RASEF: variants seen among roughly 807,000 people sequenced by gnomAD.
The protein encoded by RASEF is ras and EF-hand domain-containing protein.
In RASEF, 68 loss-of-function variants were observed where a neutral mutation model predicts 90.1. That is an observed-to-expected ratio of 0.75 (90% confidence interval 0.62 to 0.92). The LOEUF is 0.92. Among genes scored for constraint, RASEF ranks in the 40% least tolerant of loss-of-function variants. RASEF has a pLI of 0.00. For missense variants in RASEF, 949 were observed against 937.2 expected, an observed-to-expected ratio of 1.01 and a Z score of -0.16; for synonymous variants, 331 against 345.2, an observed-to-expected ratio of 0.96 and a Z score of 0.46.
At chr9:82,983,649 G>C (rs1408450871) in intron 16 of RASEF, among the ~76,000 whole-genome samples, 1 of 152,162 alleles carries the variant, frequency 6.6e-6, no homozygotes. Context: ...CTACCCTCTT[G>C]GTCAGAGCTG....
chr9:83,018,743 A>T (rs569596192), intron 3 of RASEF, among the ~76,000 whole-genome samples: 5 of 152,268 alleles, frequency 3.3e-5, no homozygotes, highest in Middle Eastern at 3.4e-3. Context: ...ATCAAGACTT[A>T]TAAACCAACA....
the RASEF span, among the ~76,000 whole-genome samples, chr9:83,179,913 G>A: frequency 7.2e-5 from 11 of 152,082 alleles, no homozygotes; most frequent in African/African-American, 1.7e-4. Flanking sequence ...GACAAAAAGT[G>A]TAAACAGGAG....
At chr9:83,178,818 T>C in the RASEF span, among the ~76,000 whole-genome samples, 1 of 152,208 alleles carries the variant, frequency 6.6e-6, no homozygotes, top group South Asian at 2.1e-4. Flanking sequence ...ATATTGTTTT[T>C]AGAAATGGGT....
At chr9:83,057,913 T>C (rs899307960) in intron 1 of RASEF, among the ~76,000 whole-genome samples, 3 of 149,062 alleles carry the variant, frequency 2.0e-5, no homozygotes, top group Non-Finnish European at 4.4e-5. Flanking sequence ...AGCACCAAGA[T>C]GCTCACATGT....
At chr9:83,056,223 CTTGT>C (rs149280726) in intron 1 of RASEF, among the ~76,000 whole-genome samples, 2,104 of 152,274 alleles carry the variant, frequency 0.014, 41 homozygotes, top group African/African-American at 0.048. Context: ...AAGCAATGAA[CTTGT>C]TTGTTTGACA....
intron 12 of RASEF, among the ~76,000 whole-genome samples, chr9:82,998,748 TGTGTGTGG>T (rs1363565619): frequency 6.6e-6 from 1 of 152,122 alleles, no homozygotes; most frequent in East Asian, 1.9e-4. Context: ...TGTGTGTGTG[TGTGTGTGG>T]GTGTGTGTAC....
chr9:83,151,703 A>G, the RASEF span, among the ~76,000 whole-genome samples: 1 of 152,168 alleles, frequency 6.6e-6, no homozygotes, highest in Non-Finnish European at 1.5e-5. Flanking sequence ...TTTAATTTAA[A>G]TGCATTTTAA....
intron 1 of RASEF, among the ~76,000 whole-genome samples, chr9:83,057,099 C>G (rs1830115488): frequency 6.6e-6 from 1 of 152,132 alleles, no homozygotes; most frequent in African/African-American, 2.4e-5. Context: ...GAGGAAGGAT[C>G]AAAGGTTCAT....
the RASEF span, among the ~76,000 whole-genome samples, chr9:83,180,452 C>T: frequency 2.0e-5 from 3 of 151,336 alleles, no homozygotes; most frequent in Admixed American, 6.6e-5. Flanking sequence ...AATGGGGAAG[C>T]TCCTAGAGAA....
the RASEF span, among the ~76,000 whole-genome samples, chr9:83,083,846 G>T: frequency 6.6e-6 from 1 of 151,948 alleles, no homozygotes. Flanking sequence ...CTTAAAAATG[G>T]TAAGTTCATA....
At chr9:83,213,522 T>A in the RASEF span, among the ~76,000 whole-genome samples, 2 of 152,174 alleles carry the variant, frequency 1.3e-5, no homozygotes, top group Non-Finnish European at 2.9e-5. Context: ...TTATACAATA[T>A]CTGTCTCATT....
chr9:83,206,754 T>G, the RASEF span, among the ~76,000 whole-genome samples: 1 of 152,296 alleles, frequency 6.6e-6, no homozygotes, highest in East Asian at 1.9e-4. Context: ...GTTATACAAG[T>G]GCCAACAAAT....
the RASEF span, among the ~76,000 whole-genome samples, chr9:83,160,443 T>C: frequency 6.6e-6 from 1 of 152,126 alleles, no homozygotes; most frequent in Admixed American, 6.5e-5. Context: ...CTGTGGAACT[T>C]TGAACTTGAG....
the RASEF span, among the ~76,000 whole-genome samples, chr9:83,140,532 T>C: frequency 6.6e-6 from 1 of 152,114 alleles, no homozygotes; most frequent in African/African-American, 2.4e-5. Flanking sequence ...GCTTATATTT[T>C]GAAAAACGAA....
chr9:83,168,766 C>A, the RASEF span, among the ~76,000 whole-genome samples: 1 of 152,090 alleles, frequency 6.6e-6, no homozygotes, highest in Non-Finnish European at 1.5e-5. Context: ...AATGAGATAT[C>A]ACCTCACCCC....
intron 4 of RASEF, 55 bp from the exon 5 acceptor site, chr9:83,012,566 T>C: frequency 8.9e-7 from 1 of 1,125,156 alleles, no homozygotes; most frequent in Non-Finnish European, 1.3e-6. Flanking sequence ...ATTGCTTTGG[T>C]TAAGTTTAGG....
At chr9:83,124,585 T>C in the RASEF span, among the ~76,000 whole-genome samples, 1 of 152,184 alleles carries the variant, frequency 6.6e-6, no homozygotes, top group Non-Finnish European at 1.5e-5. Context: ...ATGTACAAAC[T>C]GAAGATTCTG....
At chr9:83,170,115 G>C in the RASEF span, among the ~76,000 whole-genome samples, 1 of 152,034 alleles carries the variant, frequency 6.6e-6, no homozygotes, top group Non-Finnish European at 1.5e-5. Flanking sequence ...TGTGGTGAGA[G>C]ATAGAGGTCT....
chr9:83,202,101 C>A, the RASEF span: 1 of 147,682 alleles, frequency 6.8e-6, no homozygotes, highest in South Asian at 2.1e-4. Context: ...TAATGCCCAC[C>A]AATAAATCCT....
Sources: gnomAD v4.1 joint callset for allele counts (sites outside exome capture counted in the v4.1 genomes callset) on GRCh38, gnomAD v4.1.1 for gene constraint, MANE v1.5 for transcripts, NCBI Gene and HGNC (gene_info 2026-07-23, HGNC 2026-07-21) for gene names.